Variants in ZNF675 observed in about 807,000 individuals in gnomAD.
ZNF675 encodes zinc finger protein 675.
Under a neutral mutation model 56.1 loss-of-function variants are expected in ZNF675, and 36 were observed. The ratio of observed to expected loss-of-function variants is 0.64; its 90% CI spans 0.49 to 0.85. The LOEUF (loss-of-function observed/expected upper bound fraction) is 0.85, where lower values mean the gene tolerates loss of function less well. Among genes scored for constraint, ZNF675 ranks in the 40% least tolerant of loss-of-function variants. The probability of loss-of-function intolerance (pLI) is 0.00; values close to 1 mark genes in which losing one functional copy is unlikely to be tolerated. For synonymous variants in ZNF675, 200 were observed against 218.9 expected (o/e 0.91, Z 0.76); for missense variants, 663 against 654.2 (o/e 1.01, Z -0.15).
rs141640164 is a variant in ZNF675, at chr19:23,663,036, G to A, written c.126C>T (p.Phe42=). ...VILENYRNLV[F]LGIAVSKQDL... ...GTGTGTTTAAGTTATCCTTACCCAG[G>A]AAGACCAGGTTTCTGTAGTTCTCTA... The change falls in exon 2 of 4, where the codon TTC becomes TTT. Residue 42 remains phenylalanine, a synonymous_variant. Transcript: ENST00000359788. 3.1e-4 allele frequency: 498 copies of A among 1,584,692 alleles called. 1 individual carries two copies. The African/African-American group carries it at 3.7e-3, about 12-fold the overall frequency.
At chr19:23,666,534 A>G (rs1360480413) in intron 1 of ZNF675, among the ~76,000 whole-genome samples, 1 of 152,058 alleles carries the variant, frequency 6.6e-6, no homozygotes, top group Non-Finnish European at 1.5e-5. Flanking sequence ...CCACTTTCAC[A>G]CTGCAGAGTG....
chr19:23,679,992 C>A lies in ZNF675; in HGVS notation c.3+7039G>T, dbSNP rs142856317. On this transcript the variant is annotated intron_variant, in intron 1 of 3. Transcript: ENST00000359788. ...GCAACAAGAGCGAGACTCCGTACCC[C>A]CCCCCAAAAAAAAACATTAATAAAA... is the stretch of plus-strand genomic sequence containing the variant. 1.9e-4 allele frequency among the ~76,000 whole-genome samples: 28 copies of A among 148,284 alleles called. No individual in the cohort carries two copies. The East Asian group carries it at 5.5e-3, about 29-fold the overall frequency.
chr19:23,662,856 C>G (rs888568685), intron 2 of ZNF675, among the ~76,000 whole-genome samples, 176 bp downstream of exon 2: 2 of 152,062 alleles, frequency 1.3e-5, no homozygotes, highest in African/African-American at 4.8e-5. Context: ...TGGTGGCTCA[C>G]GCCTGTAGTC....
At chr19:23,673,789 G>T (rs921589148) in intron 1 of ZNF675, among the ~76,000 whole-genome samples, 1 of 152,272 alleles carries the variant, frequency 6.6e-6, no homozygotes, top group South Asian at 2.1e-4. Context: ...GTATACCTGT[G>T]TAACAAACCT....
At chr19:23,666,736 T>C (rs1399284862) in intron 1 of ZNF675, among the ~76,000 whole-genome samples, 1 of 150,252 alleles carries the variant, frequency 6.7e-6, no homozygotes, top group Non-Finnish European at 1.5e-5. Context: ...TTTAATTTTT[T>C]CCTTTCTCCT....
intron 1 of ZNF675, among the ~76,000 whole-genome samples, chr19:23,677,030 T>C (rs1335784648): frequency 2.0e-5 from 3 of 147,540 alleles, no homozygotes; most frequent in Middle Eastern, 3.5e-3. Flanking sequence ...TGAGCCGAGA[T>C]TGCGCCACTG....
chr19:23,665,514 G>GTGA lies in ZNF675; in HGVS notation c.4-2359_4-2357dup, dbSNP rs150535959. The stretch of plus-strand genomic sequence containing the variant: ...GTTCTTTGGGTTTTTGTGTGTGTGT[G>GTGA]TGATGGAGTGTCGCTCTGTAGCGCA... On this transcript the variant is annotated intron_variant, in intron 1 of 3. Transcript: ENST00000359788. Among the ~76,000 whole-genome samples, 17 of 152,058 alleles carry GTGA rather than the reference G, an allele frequency of 1.1e-4. No individual in the cohort carries two copies. In the East Asian group the frequency reaches 3.3e-3, roughly 30 times the overall value.
intron 1 of ZNF675, among the ~76,000 whole-genome samples, chr19:23,677,953 C>G (rs1968321603): frequency 6.6e-6 from 1 of 151,414 alleles, no homozygotes; most frequent in Non-Finnish European, 1.5e-5. Flanking sequence ...AACCCCATCT[C>G]TGCCTAAAAA....
In ZNF675 at chr19:23,653,575, T is replaced by C; in HGVS notation, c.1358A>G (p.Lys453Arg). 6.2e-7 allele frequency: 1 copy of C among 1,612,686 alleles called. No individual in the cohort carries two copies. Among genetic ancestry groups the C allele is most frequent in the Non-Finnish European group, 8.5e-7 (1 of 1,179,464 alleles). ...AAAAGCTTTGCCACATTCTTCACAT[T>C]TGTAGGGTTTCTTTCCAGTATGAAG... is the stretch of plus-strand genomic sequence containing the variant. Reference protein sequence around the residue: ...KKLHTGKKPYKCEECGKAFIQ... With the variant: ...KKLHTGKKPYRCEECGKAFIQ... The change falls in exon 4 of 4, where the codon AAA becomes AGA. Residue 453 changes from lysine (K) to arginine (R), a missense_variant. Coordinates refer to ENST00000359788, the MANE Select transcript of ZNF675 (RefSeq NM_138330.3).
intron 2 of ZNF675, among the ~76,000 whole-genome samples, chr19:23,662,787 C>T (rs1431839288): frequency 6.6e-6 from 1 of 152,044 alleles, no homozygotes; most frequent in East Asian, 1.9e-4. Context: ...CGAGACCAGC[C>T]TGGACAACAT....
rs1968453441 is a variant in ZNF675, at chr19:23,687,060, T to C, written c.-27A>G. The C allele has an allele frequency of 6.2e-7, 1 of 1,612,784 alleles. No homozygotes were observed. Among genetic ancestry groups the C allele is most frequent in the South Asian group, 1.1e-5 (1 of 91,018 alleles). ...TCTAGGCTTCCAGGGGGTCCTGGAG[T>C]CTTAGCTGTGGATCTCTCAATTTCT... On this transcript the variant is annotated 5_prime_UTR_variant, in exon 1 of 4. Transcript: ENST00000359788.
At chr19:23,675,983 A>C (rs200180738) in intron 1 of ZNF675, among the ~76,000 whole-genome samples, 4 of 4,616 alleles carry the variant, frequency 8.7e-4, no homozygotes, top group Non-Finnish European at 1.7e-3. Context: ...GAGAAGATCC[A>C]AAAAAAAAAA....
At chr19:23,661,997 G>A (rs1599412577) in intron 3 of ZNF675, 117 bp downstream of exon 3, 2 of 761,932 alleles carry the variant, frequency 2.6e-6, no homozygotes, top group South Asian at 1.6e-5. Flanking sequence ...AGGCTTTCCA[G>A]AAATTATTTC....
At chr19:23,671,914 C>G (rs1968231610) in intron 1 of ZNF675, among the ~76,000 whole-genome samples, 2 of 152,088 alleles carry the variant, frequency 1.3e-5, no homozygotes, top group Admixed American at 6.6e-5. Flanking sequence ...GGGGTAGGAA[C>G]AAACACAGGA....
At position 23,654,455 on chromosome 19, in the gene ZNF675, C is replaced by A; in HGVS notation, c.478G>T (p.Asp160Tyr). 6.2e-7 allele frequency: 1 copy of A among 1,602,598 alleles called. No individual in the cohort carries two copies. Among genetic ancestry groups the A allele is most frequent in the East Asian group, 2.2e-5 (1 of 44,768 alleles). Reference sequence around the variant, plus strand: ...TCCATATGTTTTATCTTATGTCTATCTGAATGTGAAAATTTATTAAAGACT... The same window carrying A: ...TCCATATGTTTTATCTTATGTCTATATGAATGTGAAAATTTATTAAAGACT... ...VKVFNKFSHS[D>Y]RHKIKHMENK... The change falls in exon 4 of 4, where the codon GAT (aspartate) becomes TAT (tyrosine). Residue 160 changes from aspartate (D) to tyrosine (Y), a missense_variant. By Grantham distance (160) the Asp-to-Tyr change is radical. This residue lies in a region of ZNF675 where 617 missense variants were observed against 590.5 expected (regional missense o/e 1.04). Coordinates refer to ENST00000359788, the MANE Select transcript of ZNF675 (RefSeq NM_138330.3).
chr19:23,678,257 T>C (rs1392414046), intron 1 of ZNF675, among the ~76,000 whole-genome samples: 1 of 113,134 alleles, frequency 8.8e-6, no homozygotes, highest in Admixed American at 1.2e-4. Flanking sequence ...CTATCAAAAA[T>C]ATTCTTTTTT....
At chr19:23,669,627 ACTT>A (rs1968203313) in intron 1 of ZNF675, among the ~76,000 whole-genome samples, 1 of 152,078 alleles carries the variant, frequency 6.6e-6, no homozygotes, top group East Asian at 1.9e-4. Context: ...TAATCCCAGC[ACTT>A]TGAGATGCTG....
At chr19:23,680,406 G>A (rs944407695) in intron 1 of ZNF675, among the ~76,000 whole-genome samples, 1 of 151,784 alleles carries the variant, frequency 6.6e-6, no homozygotes, top group African/African-American at 2.4e-5. Context: ...CAGAGCTAGA[G>A]ACCACTATCC....
At chr19:23,682,587 G>T (rs945202691) in intron 1 of ZNF675, among the ~76,000 whole-genome samples, 7 of 151,732 alleles carry the variant, frequency 4.6e-5, no homozygotes, top group Non-Finnish European at 1.0e-4. Flanking sequence ...CTTCTTCCAT[G>T]GCTGGGGTGA....
Sources: gnomAD v4.1 joint callset for allele counts (sites outside exome capture counted in the v4.1 genomes callset) on GRCh38, gnomAD v4.1.1 for gene constraint, gnomAD v4.1.1 regional missense constraint, MANE v1.5 for transcripts, NCBI Gene and HGNC (gene_info 2026-07-23, HGNC 2026-07-21) for gene names.